Variants in SETD2 observed in about 807,000 individuals in gnomAD.
SETD2 encodes the protein SET domain containing 2, histone lysine methyltransferase, also known as histone-lysine N-methyltransferase SETD2.
In SETD2, 31 loss-of-function variants were observed where a neutral mutation model predicts 242.1. The observed-to-expected ratio is 0.13, with a 90% CI of 0.10 to 0.17. SETD2 has a LOEUF of 0.17. SETD2 is among the 10% of genes least tolerant of loss of function. The probability of loss-of-function intolerance (pLI) is 1.00; values close to 1 mark genes in which losing one functional copy is unlikely to be tolerated. For missense variants in SETD2, 2,481 were observed against 3,046.3 expected, an observed-to-expected ratio of 0.81 and a Z score of 4.37; for synonymous variants, 1,006 against 1,066.5, an observed-to-expected ratio of 0.94 and a Z score of 1.11.
chr3:47,025,706 C>T lies in SETD2; in HGVS notation c.7351-5866G>A, dbSNP rs188632370. Among the ~76,000 whole-genome samples the T allele has an allele frequency of 4.7e-4, 72 of 152,308 alleles. 2 individuals are homozygous for T. The East Asian group carries it at 0.011, about 23-fold the overall frequency. On this transcript the variant is annotated intron_variant, in intron 18 of 20. Transcript: ENST00000409792. ...TACCTAGCATACTCAGTCCTGGTTA[C>T]CTATAGGTGAAACTGTACTCCTATA...
chr3:47,133,794 A>AGG (rs1379343198), intron 1 of SETD2, among the ~76,000 whole-genome samples: 1 of 152,112 alleles, frequency 6.6e-6, no homozygotes, highest in Non-Finnish European at 1.5e-5. Flanking sequence ...ACATTACCTC[A>AGG]AATCTTCCTA....
rs1046489375 is a variant in SETD2 at position 47,122,942 on chromosome 3, T to G, written c.1694A>C (p.Lys565Thr). 3 of 1,612,578 alleles carry G rather than the reference T, an allele frequency of 1.9e-6. No individual in the cohort carries two copies. Among genetic ancestry groups the G allele is most frequent in the Non-Finnish European group, 2.5e-6 (3 of 1,179,482 alleles). Reference protein sequence around the residue: ...YKSTLSKPIPKSDKFKNSFCC... With the variant: ...YKSTLSKPIPTSDKFKNSFCC... ...GAAAGAATTTTTAAATTTATCAGAC[T>G]TGGGTATAGGTTTTGAAAGGGTAGA... The change falls in exon 3 of 21, where the codon AAG becomes ACG. Residue 565 changes from lysine (K) to threonine (T), a missense_variant. Lys to Thr is a moderately conservative substitution (Grantham distance 78). Around this residue, in one of 17 missense-constraint regions of SETD2, gnomAD observed 1,300 missense variants for 1,259.2 expected, o/e 1.03. Transcript: ENST00000409792.
At chr3:47,055,882 G>C (rs2040035239) in intron 15 of SETD2, among the ~76,000 whole-genome samples, 1 of 150,586 alleles carries the variant, frequency 6.6e-6, no homozygotes, top group South Asian at 2.1e-4. Flanking sequence ...GCGTGGTGGT[G>C]GGCGCCTGTA....
intron 4 of SETD2, among the ~76,000 whole-genome samples, chr3:47,114,876 CAA>C (rs764948151): frequency 0.097 from 5,314 of 54,762 alleles, 212 homozygotes; most frequent in African/African-American, 0.26. Flanking sequence ...GAGACTGTCT[CAA>C]AAAAAAAAAA....
chr3:47,120,310 T>C lies in SETD2; in HGVS notation c.4326A>G (p.Ser1442=), dbSNP rs2107740137. ...EQGETSVPPG[S]ALVGPSCVMD... Reference sequence around the variant, plus strand: ...TGACACAGGAGGGCCCAACCAGTGCTGAACCTGGGGGCACTGATGTCTCTC... The same window carrying C: ...TGACACAGGAGGGCCCAACCAGTGCCGAACCTGGGGGCACTGATGTCTCTC... Residue 1442 remains serine, a synonymous_variant, in exon 3 of 21, where the codon TCA becomes TCG. Coordinates refer to ENST00000409792, the MANE Select transcript of SETD2 (RefSeq NM_014159.7). The C allele has an allele frequency of 6.2e-7, 1 of 1,614,016 alleles. No individual in the cohort carries two copies. The highest frequency in any genetic ancestry group is 8.5e-7 in the Non-Finnish European group (1 of 1,179,962).
chr3:47,078,519 CTTTTTTTTTT>C (rs71098448), intron 12 of SETD2, among the ~76,000 whole-genome samples: 2 of 71,280 alleles, frequency 2.8e-5, no homozygotes, highest in African/African-American at 1.2e-4. Flanking sequence ...GATTCTCAGC[CTTTTTTTTTT>C]TTTTTTTTTT....
chr3:47,027,274 T>C (rs773884524), intron 18 of SETD2, among the ~76,000 whole-genome samples: 1 of 144,576 alleles, frequency 6.9e-6, no homozygotes. Flanking sequence ...GAGGCGGAGC[T>C]TGCAGTAAGC....
At position 47,120,286 on chromosome 3, in the gene SETD2, G is replaced by A. The variant is rs1180075781; in HGVS notation, c.4350C>T (p.Val1450=). 6.2e-7 allele frequency: 1 copy of A among 1,613,470 alleles called. No individual in the cohort carries two copies. The highest frequency in any genetic ancestry group is 2.2e-5 in the East Asian group (1 of 44,882). ...GCTGTGGGTCCCTGAAGTCATCCAT[G>A]ACACAGGAGGGCCCAACCAGTGCTG... The part of the protein sequence containing the change: ...PGSALVGPSC[V]MDDFRDPQRW... The change falls in exon 3 of 21, where the codon GTC becomes GTT. Residue 1450 remains valine, a synonymous_variant. Transcript: ENST00000409792.
chr3:47,089,291 A>T (rs1392835102), intron 9 of SETD2, among the ~76,000 whole-genome samples: 1 of 152,128 alleles, frequency 6.6e-6, no homozygotes, highest in Admixed American at 6.5e-5. Flanking sequence ...ACTAAAAATC[A>T]AAAAAATTAG....
rs2106705293 is a variant in SETD2 at position 47,123,500 on chromosome 3, C to A, written c.1136G>T (p.Ser379Ile). The A allele has an allele frequency of 6.4e-7, 1 of 1,551,120 alleles. No individual in the cohort carries two copies. The highest frequency in any genetic ancestry group is 8.7e-7 in the Non-Finnish European group (1 of 1,146,974). Residue 379 changes from serine (S) to isoleucine (I), a missense_variant, in exon 3 of 21, where the codon AGC becomes ATC. Transcript: ENST00000409792. ...AGTATCTCTTTCAAGTTTTGAATAG[C>A]TAAAATATTTATCATCTCTGTCTGT... ...SKTDRDDKYF[S>I]YSKLERDTRY... is the part of the protein sequence containing the mutation.
chr3:47,032,596 C>G (rs1316555445), intron 18 of SETD2, among the ~76,000 whole-genome samples: 2 of 151,870 alleles, frequency 1.3e-5, no homozygotes, highest in African/African-American at 4.8e-5. Context: ...CAAAAGAAAG[C>G]AAAGACAAAT....
chr3:47,140,891 A>AAAAT (rs2043712398), intron 1 of SETD2, among the ~76,000 whole-genome samples: 1 of 152,156 alleles, frequency 6.6e-6, no homozygotes, highest in Non-Finnish European at 1.5e-5. Flanking sequence ...AAAATTAAAA[A>AAAAT]TTCTAAGTAT....
chr3:47,143,256 T>C (rs1188329370), intron 1 of SETD2, among the ~76,000 whole-genome samples: 1 of 152,158 alleles, frequency 6.6e-6, no homozygotes, highest in Non-Finnish European at 1.5e-5. Context: ...ATCTCACCAC[T>C]GCATTCCACC....
intron 1 of SETD2, among the ~76,000 whole-genome samples, chr3:47,131,800 C>CA (rs1487915934): frequency 6.7e-6 from 1 of 148,434 alleles, no homozygotes; most frequent in Non-Finnish European, 1.5e-5. Context: ...TTTTTTGAGA[C>CA]AGAGTCTCAC....
At chr3:47,070,976 T>C (rs940400811) in intron 12 of SETD2, among the ~76,000 whole-genome samples, 1 of 152,112 alleles carries the variant, frequency 6.6e-6, no homozygotes, top group African/African-American at 2.4e-5. Context: ...CCTCAAGTGA[T>C]CCTCCTGTCT....
intron 15 of SETD2, chr3:47,046,828 T>A: frequency 5.5e-6 from 2 of 361,532 alleles, no homozygotes; most frequent in Non-Finnish European, 9.8e-6. Context: ...TTTACTTACT[T>A]TGATTTTACT....
intron 12 of SETD2, 74 bp from the exon 13 acceptor site, chr3:47,067,192 C>A: frequency 9.2e-7 from 1 of 1,084,976 alleles, no homozygotes; most frequent in South Asian, 1.3e-5. Flanking sequence ...TGACTGTTTT[C>A]ACATGACAAT....
At chr3:47,070,828 A>T (rs2107608855) in intron 12 of SETD2, among the ~76,000 whole-genome samples, 1 of 152,346 alleles carries the variant, frequency 6.6e-6, no homozygotes, top group African/African-American at 2.4e-5. Context: ...CAGATCTATA[A>T]GGTCTCAAAA....
At chr3:47,081,103 G>A in intron 12 of SETD2, 2 of 986,150 alleles carry the variant, frequency 2.0e-6, no homozygotes, top group Non-Finnish European at 2.4e-6. Context: ...AATGGTTCAA[G>A]TTACAAGGGG....
Sources: gnomAD v4.1 joint callset for allele counts (sites outside exome capture counted in the v4.1 genomes callset) on GRCh38, gnomAD v4.1.1 for gene constraint, gnomAD v4.1.1 regional missense constraint, MANE v1.5 for transcripts, NCBI Gene and HGNC (gene_info 2026-07-23, HGNC 2026-07-21) for gene names.